Variants in LAMP1 observed in about 807,000 individuals in gnomAD.
The protein encoded by LAMP1 is lysosome-associated membrane glycoprotein 1.
Under a neutral mutation model 37.5 loss-of-function variants are expected in LAMP1, and 7 were observed. The ratio of observed to expected loss-of-function variants is 0.19; its 90% CI spans 0.11 to 0.35. The LOEUF is 0.35. Ranked by LOEUF, LAMP1 falls within the 10% of genes least tolerant of loss-of-function variation. The pLI, the probability that LAMP1 is intolerant of heterozygous loss-of-function variation, is 1.00. For missense variants in LAMP1, 537 were observed against 552.8 expected (o/e 0.97, Z 0.29); for synonymous variants, 236 against 229.1 (o/e 1.03, Z -0.27).
At chr13:113,319,703 T>C (rs1236861990) in intron 5 of LAMP1, 47 bp downstream of exon 5, 34 of 1,559,526 alleles carry the variant, frequency 2.2e-5, no homozygotes, top group Non-Finnish European at 3.0e-5. Context: ...ACGGTAGGGC[T>C]GGAGCCTCTG....
chr13:113,311,824 T>G (rs1056778761), intron 4 of LAMP1, among the ~76,000 whole-genome samples: 6 of 152,358 alleles, frequency 3.9e-5, no homozygotes, highest in Admixed American at 1.3e-4. Context: ...CAGAGTTAAG[T>G]AGCAAGCACC....
rs2042710371 is a variant in LAMP1, at chr13:113,322,733, C to CTCTAAAT, written c.*313_*314insCTAAATT. On this transcript the variant is annotated 3_prime_UTR_variant, in exon 9 of 9. Coordinates refer to ENST00000332556, the MANE Select transcript of LAMP1 (RefSeq NM_005561.4). ...CTGTCTCTGAGGGGTGGGGGTGCCG[C>CTCTAAAT]TGTCTCTGAGGGGTGGGGGTGCCGC... 1.6e-5 allele frequency: 1 copy of CTCTAAAT among 63,746 alleles called. No individual in the cohort carries two copies. Among genetic ancestry groups the CTCTAAAT allele is most frequent in the Non-Finnish European group, 2.8e-5 (1 of 36,256 alleles). The allele number at this position is 63,746 out of a possible 1,614,324, so 3.9% of individuals were successfully genotyped here. A position where few individuals can be genotyped will look rare whatever the true frequency, so the allele number is the denominator to read the frequency against.
intron 1 of LAMP1, among the ~76,000 whole-genome samples, chr13:113,302,292 C>G (rs907233339): frequency 2.6e-5 from 4 of 152,102 alleles, no homozygotes; most frequent in Non-Finnish European, 4.4e-5. Context: ...TCAAGTGATT[C>G]TTCTGCCTCA....
chr13:113,321,297 T>C lies in LAMP1; in HGVS notation c.877-107T>C. ...TAGAAATGTAGGAAGTCAGGTTTAT[T>C]ACCCAATGACCATTCACGTTTGATG... On this transcript the variant is annotated intron_variant, in intron 6 of 8. Transcript: ENST00000332556. This position sits in a 1 kb window ranked among gnomAD's most constrained non-coding sequence, Gnocchi z 5.6. The C allele has an allele frequency of 1.1e-6, 1 of 917,280 alleles. No individual in the cohort carries two copies. The allele number at this position is 917,280 out of a possible 1,614,324, so 56.8% of individuals were successfully genotyped here. A position where few individuals can be genotyped will look rare whatever the true frequency, so the allele number is the denominator to read the frequency against.
chr13:113,298,970 G>T (rs943521201), intron 1 of LAMP1, among the ~76,000 whole-genome samples: 1 of 152,126 alleles, frequency 6.6e-6, no homozygotes, highest in African/African-American at 2.4e-5. Flanking sequence ...GCGAAACCCG[G>T]TCTCTACAAA....
rs759557060 is a variant in LAMP1 at position 113,321,753 on chromosome 13, G to T, written c.1114+26G>T. The T allele has an allele frequency of 2.5e-6, 4 of 1,610,522 alleles. No individual in the cohort carries two copies. Among genetic ancestry groups the T allele is most frequent in the Non-Finnish European group, 3.4e-6 (4 of 1,178,980 alleles). Reference sequence around the variant, plus strand: ...GTGAGTGTCACCGAGGGCAGCTGTCGCGGGGTGTGGAGGACGTGCTTCAGA... The same window carrying T: ...GTGAGTGTCACCGAGGGCAGCTGTCTCGGGGTGTGGAGGACGTGCTTCAGA... On this transcript the variant is annotated intron_variant, in intron 8 of 8. Coordinates refer to ENST00000332556, the MANE Select transcript of LAMP1 (RefSeq NM_005561.4). The surrounding 1 kb of genome is among the most constrained non-coding windows in gnomAD (Gnocchi z 5.6).
chr13:113,321,614 A>G lies in LAMP1; in HGVS notation c.1001A>G (p.Asn334Ser), dbSNP rs1457235752. ...SLRALQATVGNSYKCNAEEHV... is the reference protein window; with the variant it reads ...SLRALQATVGSSYKCNAEEHV... Reference sequence around the variant, plus strand: ...CGAGCGCTGCAGGCCACAGTCGGCAATTCCTACAAGTGCAACGCGGAGGAG... The same window carrying G: ...CGAGCGCTGCAGGCCACAGTCGGCAGTTCCTACAAGTGCAACGCGGAGGAG... Residue 334 changes from asparagine (N) to serine (S), a missense_variant, in exon 8 of 9, where the codon AAT becomes AGT. Physicochemically the swap from Asn to Ser is conservative, Grantham distance 46 (BLOSUM62 1). Transcript: ENST00000332556. The surrounding 1 kb of genome is among the most constrained non-coding windows in gnomAD (Gnocchi z 5.6). 8 of 1,614,102 alleles carry G rather than the reference A, an allele frequency of 5.0e-6. No individual in the cohort carries two copies. Among genetic ancestry groups the G allele is most frequent in the South Asian group, 1.1e-5 (1 of 91,090 alleles).
At position 113,297,641 on chromosome 13, in the gene LAMP1, GC is replaced by G; in HGVS notation, c.61+147del. 1.3e-6 allele frequency: 1 copy of G among 773,226 alleles called. No homozygotes were observed. Among genetic ancestry groups the G allele is most frequent in the Non-Finnish European group, 1.7e-6 (1 of 588,172 alleles). The allele number at this position is 773,226 out of a possible 1,614,324, so 47.9% of individuals were successfully genotyped here. On this transcript the variant is annotated intron_variant, in intron 1 of 8. Coordinates refer to ENST00000332556, the MANE Select transcript of LAMP1 (RefSeq NM_005561.4). The surrounding 1 kb of genome is among the most constrained non-coding windows in gnomAD (Gnocchi z 4.4). The stretch of plus-strand genomic sequence containing the variant: ...TGGTCCCGGCCGGCTCTGCCCGCGG[GC>G]GGGTGTTTCTCTCGGGGTCGTAGGG...
In LAMP1 at chr13:113,309,877, G is replaced by A. The variant is rs1252207854; in HGVS notation, c.403+15G>A. 3 of 1,596,438 alleles carry A rather than the reference G, an allele frequency of 1.9e-6. No homozygotes were observed. The Admixed American group carries it at 5.0e-5, about 27-fold the overall frequency. On this transcript the variant is annotated intron_variant, in intron 3 of 8. Coordinates refer to ENST00000332556, the MANE Select transcript of LAMP1 (RefSeq NM_005561.4). ...GAGCTCCAAAGGTAAGAACCAAAATGGGCCGATTATGAAGTGATAGAAAAT... is the reference window on the plus strand; with the variant it reads ...GAGCTCCAAAGGTAAGAACCAAAATAGGCCGATTATGAAGTGATAGAAAAT...
At chr13:113,301,484 A>T (rs1207141886) in intron 1 of LAMP1, among the ~76,000 whole-genome samples, 1 of 151,720 alleles carries the variant, frequency 6.6e-6, no homozygotes, top group Non-Finnish European at 1.5e-5. Context: ...TTAGTCGGGC[A>T]TGGTGGCGTA....
chr13:113,303,065 G>A (rs2042582078), intron 1 of LAMP1, among the ~76,000 whole-genome samples: 1 of 152,234 alleles, frequency 6.6e-6, no homozygotes, highest in African/African-American at 2.4e-5. Flanking sequence ...CTGTGCAGAT[G>A]TTTAATAACA....
intron 4 of LAMP1, among the ~76,000 whole-genome samples, chr13:113,315,574 GA>G (rs2042658772): frequency 6.6e-6 from 1 of 151,126 alleles, no homozygotes; most frequent in Non-Finnish European, 1.5e-5. Flanking sequence ...ATTTTTAGTA[GA>G]GGGGGGCGTT....
chr13:113,299,556 C>T (rs753822665), intron 1 of LAMP1, among the ~76,000 whole-genome samples: 19 of 147,890 alleles, frequency 1.3e-4, no homozygotes, highest in Non-Finnish European at 2.8e-4. Context: ...AGCCACCGTA[C>T]TTGGCCCAAG....
At chr13:113,314,199 C>G (rs1174468564) in intron 4 of LAMP1, among the ~76,000 whole-genome samples, 4 of 98,784 alleles carry the variant, frequency 4.0e-5, no homozygotes, top group African/African-American at 1.1e-4. Context: ...TGGAGATGCC[C>G]GTGTGCCTGG....
intron 4 of LAMP1, among the ~76,000 whole-genome samples, chr13:113,316,787 T>C (rs1193218869): frequency 9.4e-5 from 14 of 148,164 alleles, no homozygotes; most frequent in African/African-American, 3.2e-4. Context: ...GAATCGATGG[T>C]AAAACATTGG....
chr13:113,320,605 G>A lies in LAMP1; in HGVS notation c.876+135G>A. 1.1e-6 allele frequency: 1 copy of A among 880,462 alleles called. No homozygotes were observed. The highest frequency in any genetic ancestry group is 1.7e-6 in the Non-Finnish European group (1 of 589,462). The allele number at this position is 880,462 out of a possible 1,614,324, so 54.5% of individuals were successfully genotyped here. On this transcript the variant is annotated intron_variant, in intron 6 of 8. Coordinates refer to ENST00000332556, the MANE Select transcript of LAMP1 (RefSeq NM_005561.4). The surrounding 1 kb of genome is among the most constrained non-coding windows in gnomAD (Gnocchi z 4.4). ...TTTTTTCTGCCTTCCCTTTATCCTGGGCTTTTTAGTTCCTTGGTTCCCCTC... is the reference window on the plus strand; with the variant it reads ...TTTTTTCTGCCTTCCCTTTATCCTGAGCTTTTTAGTTCCTTGGTTCCCCTC...
At chr13:113,301,627 TAAAAAAA>T (rs1161593860) in intron 1 of LAMP1, among the ~76,000 whole-genome samples, 142 of 9,344 alleles carry the variant, frequency 0.015, 1 homozygote, top group Middle Eastern at 0.062. Flanking sequence ...TGTTTCCATT[TAAAAAAA>T]AAAAAAAAAA....
chr13:113,320,571 C>A lies in LAMP1; in HGVS notation c.876+101C>A. 7.5e-7 allele frequency: 1 copy of A among 1,329,270 alleles called. No individual in the cohort carries two copies. The highest frequency in any genetic ancestry group is 1.0e-6 in the Non-Finnish European group (1 of 978,152). 82.3% of individuals were successfully genotyped at this position (1,329,270 alleles called of 1,614,324 possible). On this transcript the variant is annotated intron_variant, in intron 6 of 8. Transcript: ENST00000332556. This position sits in a 1 kb window ranked among gnomAD's most constrained non-coding sequence, Gnocchi z 4.4. ...ATGGGAGGCAGCGTTAGGAAGGAGGCGGCCTCACTTTTTTCTGCCTTCCCT... is the reference window on the plus strand; with the variant it reads ...ATGGGAGGCAGCGTTAGGAAGGAGGAGGCCTCACTTTTTTCTGCCTTCCCT...
chr13:113,314,423 T>C lies in LAMP1; in HGVS notation c.562+3556T>C, dbSNP rs557880096. Among the ~76,000 whole-genome samples the C allele has an allele frequency of 5.7e-3, 234 of 41,358 alleles. 13 individuals are homozygous for C. Among genetic ancestry groups the C allele is most frequent in the African/African-American group, 0.039 (184 of 4,718 alleles). The allele number at this position is 41,358 out of a possible 152,430, so 27.1% of individuals were successfully genotyped here. ...CTGGGGCGTGGCCTCCTAGAGGGAG[T>C]CAGTGTGGAGATGCCCGTGTGCCTG... On this transcript the variant is annotated intron_variant, in intron 4 of 8. Coordinates refer to ENST00000332556, the MANE Select transcript of LAMP1 (RefSeq NM_005561.4).
Sources: gnomAD v4.1 joint callset for allele counts (sites outside exome capture counted in the v4.1 genomes callset) on GRCh38, gnomAD v4.1.1 for gene constraint, Gnocchi (gnomAD v3.1) non-coding constraint, MANE v1.5 for transcripts, NCBI Gene and HGNC (gene_info 2026-07-23, HGNC 2026-07-21) for gene names.